The following CNTN4 variants were observed in gnomAD, a reference collection of about 807,000 sequenced individuals.
The protein encoded by CNTN4 is contactin-4.
In CNTN4, 77 loss-of-function variants were observed where a neutral mutation model predicts 122.5. The observed-to-expected ratio is 0.63, with a 90% CI of 0.52 to 0.76. The LOEUF (loss-of-function observed/expected upper bound fraction) is 0.76, where lower values mean the gene tolerates loss of function less well. Among genes scored for constraint, CNTN4 ranks in the 30% least tolerant of loss-of-function variants. The pLI is 0.00. For missense variants in CNTN4, 1,256 were observed against 1,259.1 expected, an observed-to-expected ratio of 1.00 and a Z score of 0.04; for synonymous variants, 512 against 447.0, an observed-to-expected ratio of 1.15 and a Z score of -1.83.
intron 2 of CNTN4, 110 bp downstream of exon 2, chr3:2,100,749 A>G (rs1342792192): frequency 1.3e-5 from 2 of 152,208 alleles, no homozygotes; most frequent in Non-Finnish European, 2.9e-5. Flanking sequence ...AACAAGTTTC[A>G]TGAGAATATT....
intron 3 of CNTN4, among the ~76,000 whole-genome samples, chr3:2,488,814 A>T (rs1426023611): frequency 5.3e-5 from 8 of 152,226 alleles, no homozygotes; most frequent in Non-Finnish European, 1.5e-5. Flanking sequence ...TTCTCTATGC[A>T]TTAGTACATT....
chr3:2,623,301 C>G (rs1236633861), intron 4 of CNTN4, among the ~76,000 whole-genome samples: 1 of 149,660 alleles, frequency 6.7e-6, no homozygotes, highest in Non-Finnish European at 1.5e-5. Flanking sequence ...TTTGCCCATT[C>G]ATGGTCCATA....
chr3:2,606,923 T>G lies in CNTN4; in HGVS notation c.55+35365T>G, dbSNP rs147242228. Among the ~76,000 whole-genome samples, 1,042 of 152,322 alleles carry G rather than the reference T, an allele frequency of 6.8e-3. 15 individuals carry two copies. Among genetic ancestry groups the G allele is most frequent in the African/African-American group, 0.024 (981 of 41,564 alleles). On this transcript the variant is annotated intron_variant, in intron 4 of 24. Coordinates refer to ENST00000418658, the MANE Select transcript of CNTN4 (RefSeq NM_175607.3). ...GTTAAAAATGATAACTTCAGAGACT[T>G]CAGATCTCCAGACCCATGAGCTTTA...
intron 12 of CNTN4, among the ~76,000 whole-genome samples, chr3:2,920,022 G>A (rs1298809701): frequency 6.6e-6 from 1 of 152,034 alleles, no homozygotes; most frequent in African/African-American, 2.4e-5. Flanking sequence ...CTTGTTGGCA[G>A]AGAAAGATGA....
intron 3 of CNTN4, among the ~76,000 whole-genome samples, chr3:2,485,009 G>T (rs1021457832): frequency 6.6e-6 from 1 of 152,226 alleles, no homozygotes; most frequent in Non-Finnish European, 1.5e-5. Context: ...AGAGCAGCGG[G>T]CTGGTGCCAC....
intron 4 of CNTN4, among the ~76,000 whole-genome samples, chr3:2,729,186 TCC>T (rs996691200): frequency 2.0e-5 from 3 of 152,160 alleles, no homozygotes; most frequent in Non-Finnish European, 2.9e-5. Flanking sequence ...GTGGCCTTCA[TCC>T]CACGGAGTAG....
At chr3:2,461,963 C>A (rs1559574041) in intron 3 of CNTN4, among the ~76,000 whole-genome samples, 1 of 152,136 alleles carries the variant, frequency 6.6e-6, no homozygotes, top group African/African-American at 2.4e-5. Flanking sequence ...GCTTTCTTCT[C>A]CCACTCCAGG....
chr3:2,928,057 C>A (rs1011400677), intron 13 of CNTN4, among the ~76,000 whole-genome samples: 1 of 152,188 alleles, frequency 6.6e-6, no homozygotes, highest in Non-Finnish European at 1.5e-5. Context: ...TTTGCCCCAT[C>A]CAAGGGAGAC....
chr3:2,211,528 C>T (rs868314408), intron 2 of CNTN4, among the ~76,000 whole-genome samples: 2 of 152,120 alleles, frequency 1.3e-5, no homozygotes, highest in South Asian at 4.1e-4. Context: ...CGTTTTCCTA[C>T]ATGGATTATA....
chr3:2,138,959 C>A (rs2034846595), intron 2 of CNTN4, among the ~76,000 whole-genome samples: 1 of 152,084 alleles, frequency 6.6e-6, no homozygotes, highest in Non-Finnish European at 1.5e-5. Flanking sequence ...AAAGCAAAGA[C>A]AGTTTGTATG....
intron 6 of CNTN4, among the ~76,000 whole-genome samples, chr3:2,815,199 A>G (rs1230511746): frequency 1.3e-5 from 2 of 152,236 alleles, no homozygotes; most frequent in Admixed American, 6.5e-5. Context: ...TGACCAAGAG[A>G]ACCCAAAAGC....
chr3:2,791,962 C>A (rs1431682431), intron 6 of CNTN4, among the ~76,000 whole-genome samples: 1 of 152,168 alleles, frequency 6.6e-6, no homozygotes, highest in African/African-American at 2.4e-5. Flanking sequence ...CCGGGATGAT[C>A]TCCTTATCTC....
At chr3:2,177,712 T>G (rs2036820109) in intron 2 of CNTN4, among the ~76,000 whole-genome samples, 1 of 151,454 alleles carries the variant, frequency 6.6e-6, no homozygotes, top group Non-Finnish European at 1.5e-5. Context: ...GAAACTTCAG[T>G]TTTTACATTT....
At chr3:2,795,028 C>G (rs1019540276) in intron 6 of CNTN4, among the ~76,000 whole-genome samples, 2 of 152,134 alleles carry the variant, frequency 1.3e-5, no homozygotes, top group South Asian at 4.1e-4. Flanking sequence ...GACAAACATT[C>G]ATTGCATAAC....
At chr3:2,979,860 G>A (rs1000824882) in intron 13 of CNTN4, among the ~76,000 whole-genome samples, 2 of 152,244 alleles carry the variant, frequency 1.3e-5, no homozygotes, top group Middle Eastern at 3.4e-3. Flanking sequence ...GGCAAGCAAG[G>A]ATACGCTGTC....
chr3:2,931,203 C>T (rs1018981105), intron 13 of CNTN4, among the ~76,000 whole-genome samples: 2 of 152,014 alleles, frequency 1.3e-5, no homozygotes, highest in East Asian at 3.9e-4. Context: ...ACATCAGTCT[C>T]CTGAGAGTGA....
At chr3:2,725,075 C>G (rs902603763) in intron 4 of CNTN4, among the ~76,000 whole-genome samples, 2 of 152,164 alleles carry the variant, frequency 1.3e-5, no homozygotes, top group Non-Finnish European at 2.9e-5. Context: ...AAATATATCC[C>G]TATGAGCATG....
intron 3 of CNTN4, among the ~76,000 whole-genome samples, chr3:2,381,528 A>G (rs1376169992): frequency 1.3e-5 from 2 of 152,178 alleles, no homozygotes; most frequent in Non-Finnish European, 2.9e-5. Flanking sequence ...GTAATGTGGC[A>G]TTAATAAATC....
intron 7 of CNTN4, among the ~76,000 whole-genome samples, chr3:2,822,245 G>C (rs1276417227): frequency 6.6e-6 from 1 of 152,172 alleles, no homozygotes; most frequent in Non-Finnish European, 1.5e-5. Context: ...TATGAGTTTT[G>C]ATCCTTGTTC....
Sources: gnomAD v4.1 joint callset for allele counts (sites outside exome capture counted in the v4.1 genomes callset) on GRCh38, gnomAD v4.1.1 for gene constraint, MANE v1.5 for transcripts, NCBI Gene and HGNC (gene_info 2026-07-23, HGNC 2026-07-21) for gene names.